MAST4: variants seen among roughly 807,000 people sequenced by gnomAD.
MAST4 encodes microtubule-associated serine/threonine-protein kinase 4.
In MAST4, 89 loss-of-function variants were observed where a neutral mutation model predicts 162.7. The observed-to-expected ratio is 0.55, with a 90% confidence interval of 0.46 to 0.65. The LOEUF is 0.65. Ranked by LOEUF, MAST4 falls within the 30% of genes least tolerant of loss-of-function variation. MAST4 has a pLI of 0.00. For missense variants in MAST4, 3,153 were observed against 3,374.0 expected, an observed-to-expected ratio of 0.93 and a Z score of 1.62; for synonymous variants, 1,479 against 1,361.1, an observed-to-expected ratio of 1.09 and a Z score of -1.91.
At chr5:66,901,618 C>A (rs1763015999) in intron 4 of MAST4, among the ~76,000 whole-genome samples, 1 of 152,106 alleles carries the variant, frequency 6.6e-6, no homozygotes, top group African/African-American at 2.4e-5. Flanking sequence ...CATTTAAACT[C>A]CCCTCCCTAT....
At chr5:66,837,888 ATATATATTTTTTT>A (rs1357677424) in intron 3 of MAST4, among the ~76,000 whole-genome samples, 9 of 34,948 alleles carry the variant, frequency 2.6e-4, no homozygotes, top group African/African-American at 1.4e-3. Context: ...ATATATATAT[ATATATATTTTTTT>A]TTTTTTTTTT....
intron 3 of MAST4, among the ~76,000 whole-genome samples, chr5:66,832,865 A>G (rs1392204528): frequency 6.6e-6 from 1 of 152,216 alleles, no homozygotes; most frequent in African/African-American, 2.4e-5. Flanking sequence ...CCAGAAAGAC[A>G]TTGAGACTTC....
Position 66,843,885 on chromosome 5 carries a change from C to T in MAST4, c.642+55091C>T, listed in dbSNP as rs549573629. On this transcript the variant is annotated intron_variant, in intron 3 of 28. Coordinates refer to ENST00000403625, the MANE Select transcript of MAST4 (RefSeq NM_001164664.2). ...AAAGTAATGGAATTGGACCCTCTTT[C>T]GTAGTTTCATGAATTATCTCAGGTT... 5.3e-5 allele frequency among the ~76,000 whole-genome samples: 8 copies of T among 152,170 alleles called. No homozygotes were observed. In the South Asian group the frequency reaches 1.2e-3, roughly 24 times the overall value.
At chr5:67,039,372 A>G (rs891599648) in intron 4 of MAST4, among the ~76,000 whole-genome samples, 1 of 152,210 alleles carries the variant, frequency 6.6e-6, no homozygotes, top group Non-Finnish European at 1.5e-5. Flanking sequence ...CAGTACTTCC[A>G]TGTGAAGGTC....
At chr5:67,024,360 T>C (rs955765347) in intron 4 of MAST4, among the ~76,000 whole-genome samples, 1 of 144,102 alleles carries the variant, frequency 6.9e-6, no homozygotes, top group Non-Finnish European at 1.5e-5. Context: ...CACATACATA[T>C]AGATAGCTAT....
At chr5:66,650,248 C>T (rs1335252918) in intron 1 of MAST4, among the ~76,000 whole-genome samples, 8 of 152,096 alleles carry the variant, frequency 5.3e-5, no homozygotes, top group Non-Finnish European at 8.8e-5. Context: ...GGCTTGGGCT[C>T]ATATCTGCTT....
chr5:66,837,050 G>GTGTA (rs1554057335), intron 3 of MAST4, among the ~76,000 whole-genome samples: 2 of 151,948 alleles, frequency 1.3e-5, no homozygotes, highest in Non-Finnish European at 2.9e-5. Context: ...GTGTGTGTGT[G>GTGTA]TGTATGTATA....
At chr5:67,004,162 G>A (rs1405990285) in intron 4 of MAST4, among the ~76,000 whole-genome samples, 3 of 152,118 alleles carry the variant, frequency 2.0e-5, no homozygotes, top group South Asian at 2.1e-4. Context: ...GGGGAGCGGC[G>A]GCCCAGGCTG....
intron 4 of MAST4, among the ~76,000 whole-genome samples, chr5:66,915,328 A>G (rs13158031): frequency 0.032 from 4,848 of 151,048 alleles, 143 homozygotes; most frequent in African/African-American, 0.075. Context: ...GTGAGATTTC[A>G]TGTTTTCTTC....
chr5:66,857,177 T>C (rs1356929643), intron 3 of MAST4, among the ~76,000 whole-genome samples: 1 of 152,238 alleles, frequency 6.6e-6, no homozygotes, highest in Non-Finnish European at 1.5e-5. Flanking sequence ...GAACTTTTTT[T>C]CCCCACTCAG....
chr5:66,736,032 G>A (rs572225242), intron 1 of MAST4, among the ~76,000 whole-genome samples: 1 of 152,284 alleles, frequency 6.6e-6, no homozygotes, highest in African/African-American at 2.4e-5. Flanking sequence ...GGGGGATCTG[G>A]AGAAGTTATT....
intron 5 of MAST4, among the ~76,000 whole-genome samples, chr5:67,082,326 G>A (rs1762759696): frequency 1.3e-5 from 2 of 151,750 alleles, no homozygotes; most frequent in South Asian, 4.2e-4. Context: ...TTTTTGTTGG[G>A]GTTTCACCAT....
chr5:67,126,733 T>C (rs1414475266), intron 14 of MAST4, among the ~76,000 whole-genome samples: 5 of 152,238 alleles, frequency 3.3e-5, no homozygotes, highest in African/African-American at 9.6e-5. Context: ...GCAGGCTCTT[T>C]TTTGGTTCCC....
At chr5:66,801,624 A>G (rs1755926902) in intron 3 of MAST4, among the ~76,000 whole-genome samples, 1 of 152,214 alleles carries the variant, frequency 6.6e-6, no homozygotes, top group Non-Finnish European at 1.5e-5. Flanking sequence ...TTTACTGGTT[A>G]AAAAGAGTTT....
chr5:67,143,659 C>CT (rs1770693667), intron 21 of MAST4, among the ~76,000 whole-genome samples: 1 of 152,208 alleles, frequency 6.6e-6, no homozygotes, highest in Admixed American at 6.5e-5. Flanking sequence ...TTGGCCAGCA[C>CT]TACCCTCCTG....
At chr5:67,027,083 A>G (rs2150412991) in intron 4 of MAST4, among the ~76,000 whole-genome samples, 1 of 152,262 alleles carries the variant, frequency 6.6e-6, no homozygotes, top group African/African-American at 2.4e-5. Flanking sequence ...GTAAAATATC[A>G]GAGTTATTGC....
chr5:67,132,098 TTGTA>T, intron 16 of MAST4, 147 bp downstream of exon 16: 1 of 909,152 alleles, frequency 1.1e-6, no homozygotes, highest in South Asian at 2.0e-5. Flanking sequence ...ATATGGTAAT[TTGTA>T]TGTAAAACTT....
intron 3 of MAST4, among the ~76,000 whole-genome samples, chr5:66,867,652 C>G (rs1033542104): frequency 6.6e-6 from 1 of 152,122 alleles, no homozygotes; most frequent in African/African-American, 2.4e-5. Flanking sequence ...TGATAGTTAT[C>G]CCAGCAAAAT....
intron 1 of MAST4, among the ~76,000 whole-genome samples, chr5:66,710,681 T>A (rs1317681614): frequency 1.3e-5 from 2 of 152,190 alleles, no homozygotes; most frequent in East Asian, 3.9e-4. Context: ...GCCAGGAATG[T>A]AATTCTTTCT....
Sources: allele counts gnomAD v4.1 joint callset (sites outside exome capture counted in the v4.1 genomes callset), GRCh38; gene constraint gnomAD v4.1.1; transcripts MANE v1.5; gene names NCBI Gene and HGNC (gene_info 2026-07-23, HGNC 2026-07-21).